The following HMG20A variants were observed in gnomAD, a reference collection of about 807,000 sequenced individuals.
HMG20A encodes the protein high mobility group protein 20A.
HMG20A carries 17 observed loss-of-function variants against 43.9 expected under a neutral mutation model. The observed-to-expected ratio is 0.39, with a 90% CI of 0.27 to 0.58. HMG20A has a LOEUF of 0.58. Among genes scored for constraint, HMG20A ranks in the 20% least tolerant of loss-of-function variants. The probability of loss-of-function intolerance (pLI) is 0.59; values close to 1 mark genes in which losing one functional copy is unlikely to be tolerated. For missense variants in HMG20A, 341 were observed against 438.2 expected (o/e 0.78, Z 1.98); for synonymous variants, 132 against 147.5 (o/e 0.89, Z 0.76).
chr15:77,457,068 GT>G (rs1409922270), intron 1 of HMG20A, among the ~76,000 whole-genome samples: 1 of 152,158 alleles, frequency 6.6e-6, no homozygotes, highest in African/African-American at 2.4e-5. Context: ...ACAGAGATGT[GT>G]TTTTCCCATC....
At chr15:77,429,205 T>C (rs191540222) in intron 1 of HMG20A, among the ~76,000 whole-genome samples, 43 of 151,972 alleles carry the variant, frequency 2.8e-4, no homozygotes, top group Admixed American at 3.9e-4. Context: ...TAATTTAATA[T>C]GGTGGGTTTT....
chr15:77,434,218 C>G (rs1468008180), intron 1 of HMG20A, among the ~76,000 whole-genome samples: 2 of 152,040 alleles, frequency 1.3e-5, no homozygotes, highest in African/African-American at 4.8e-5. Flanking sequence ...ATACAAAAAT[C>G]AGGTCTAGTT....
At chr15:77,516,462 C>A in the HMG20A span, among the ~76,000 whole-genome samples, 1 of 152,120 alleles carries the variant, frequency 6.6e-6, no homozygotes, top group South Asian at 2.1e-4. Flanking sequence ...GGCAACAGAG[C>A]AAGACCCTGT....
At chr15:77,516,675 T>C in the HMG20A span, among the ~76,000 whole-genome samples, 2 of 152,030 alleles carry the variant, frequency 1.3e-5, no homozygotes, top group Non-Finnish European at 2.9e-5. Context: ...AGAAGGGCAC[T>C]GAACTCCACC....
the HMG20A span, among the ~76,000 whole-genome samples, chr15:77,500,563 C>CTTTT: frequency 6.9e-6 from 1 of 144,710 alleles, no homozygotes; most frequent in Non-Finnish European, 1.5e-5. Context: ...CCTCCCTGTT[C>CTTTT]TTTTTTTTTT....
chr15:77,435,079 A>C (rs1230960783), intron 1 of HMG20A, among the ~76,000 whole-genome samples: 1 of 152,156 alleles, frequency 6.6e-6, no homozygotes, highest in Non-Finnish European at 1.5e-5. Flanking sequence ...ACAAATAATT[A>C]CATAGTATAT....
At chr15:77,512,587 TCTTA>T in the HMG20A span, among the ~76,000 whole-genome samples, 1 of 152,032 alleles carries the variant, frequency 6.6e-6, no homozygotes, top group African/African-American at 2.4e-5. Flanking sequence ...GAAGAGAAAC[TCTTA>T]CTTAAAGTAG....
Position 77,464,109 on chromosome 15 carries a change from TA to T in HMG20A, c.90-130del, listed in dbSNP as rs2072732694. 4 of 1,010,702 alleles carry T rather than the reference TA, an allele frequency of 4.0e-6. No homozygotes were observed. In the African/African-American group the frequency reaches 6.5e-5, roughly 17 times the overall value. 62.6% of individuals were successfully genotyped at this position (1,010,702 alleles called of 1,614,324 possible). ...CTGTAACGTCTGTGAATACGTTGTT[TA>T]CATTTATACAGATTATTGGGGGAAT... On this transcript the variant is annotated intron_variant, in intron 2 of 9. Transcript: ENST00000336216.
intron 1 of HMG20A, among the ~76,000 whole-genome samples, chr15:77,422,477 G>A (rs754410992): frequency 7.2e-5 from 11 of 152,134 alleles, no homozygotes; most frequent in East Asian, 1.9e-4. Context: ...TTAGCTGGGC[G>A]TGGTGGCGTG....
rs1211103364 is a variant in HMG20A at position 77,467,124 on chromosome 15, A to G, written c.267A>G (p.Lys89=). 1.2e-6 allele frequency: 2 copies of G among 1,614,000 alleles called. No individual in the cohort carries two copies. Among genetic ancestry groups the G allele is most frequent in the South Asian group, 2.2e-5 (2 of 91,060 alleles). Residue 89 remains lysine (K), a synonymous_variant, in exon 4 of 10, where the codon AAA becomes AAG. Transcript: ENST00000336216. Reference sequence around the variant, plus strand: ...GAAGTAAACGAGGAGGTTGGTCCAAAGGAAGAAAGAGGAAGAAACCTCTTC... The same window carrying G: ...GAAGTAAACGAGGAGGTTGGTCCAAGGGAAGAAAGAGGAAGAAACCTCTTC... The part of the protein sequence containing the change: ...EQRSKRGGWS[K]GRKRKKPLRD...
At position 77,484,360 on chromosome 15, in the gene HMG20A, C is replaced by T. The variant is rs1331768460; in HGVS notation, c.*1397C>T. 6.6e-6 allele frequency: 1 copy of T among 152,608 alleles called. No homozygotes were observed. The highest frequency in any genetic ancestry group is 1.5e-5 in the Non-Finnish European group (1 of 68,132). 9.5% of individuals were successfully genotyped at this position (152,608 alleles called of 1,614,324 possible). ...TTGTTTTTGTTTTGACACTGCAGAG[C>T]ACAAGGCTAAAGGTTACAGCTGAGA... On this transcript the variant is annotated 3_prime_UTR_variant, in exon 10 of 10. Transcript: ENST00000336216.
the HMG20A span, among the ~76,000 whole-genome samples, chr15:77,516,791 C>T: frequency 2.6e-5 from 4 of 152,194 alleles, no homozygotes; most frequent in South Asian, 2.1e-4. Context: ...GGACAGCAAG[C>T]GCGTAGGCTA....
chr15:77,454,085 C>G (rs1453184349), intron 1 of HMG20A, among the ~76,000 whole-genome samples: 3 of 149,750 alleles, frequency 2.0e-5, no homozygotes, highest in Non-Finnish European at 4.4e-5. Context: ...TCACTTGAGA[C>G]AAGCAGTTTG....
chr15:77,428,658 G>A (rs762742066), intron 1 of HMG20A, among the ~76,000 whole-genome samples: 9 of 152,054 alleles, frequency 5.9e-5, no homozygotes, highest in Non-Finnish European at 1.3e-4. Flanking sequence ...TTCAAGGCTC[G>A]AGATTACACA....
chr15:77,425,545 C>T (rs572625477), intron 1 of HMG20A, among the ~76,000 whole-genome samples: 2 of 152,218 alleles, frequency 1.3e-5, no homozygotes, highest in African/African-American at 4.8e-5. Flanking sequence ...TTAAGCACCT[C>T]CTATATAACT....
chr15:77,435,819 C>CTTTTTTTTTTT (rs35390385), intron 1 of HMG20A, among the ~76,000 whole-genome samples: 7 of 147,758 alleles, frequency 4.7e-5, no homozygotes, highest in Non-Finnish European at 9.0e-5. Flanking sequence ...GTAGGTGCAT[C>CTTTTTTTTTTT]TTTTTTTTTT....
intron 1 of HMG20A, among the ~76,000 whole-genome samples, chr15:77,457,194 G>A (rs1363444721): frequency 2.0e-5 from 3 of 152,190 alleles, no homozygotes; most frequent in Admixed American, 6.5e-5. Context: ...CATTGAACAT[G>A]GAGAATGTGG....
At chr15:77,474,879 A>G (rs1305352692) in intron 6 of HMG20A, among the ~76,000 whole-genome samples, 2 of 152,176 alleles carry the variant, frequency 1.3e-5, no homozygotes, top group African/African-American at 4.8e-5. Context: ...TTCAGTTCAA[A>G]AGGGCCTCTT....
At chr15:77,465,065 G>A (rs1245111092) in intron 3 of HMG20A, among the ~76,000 whole-genome samples, 1 of 151,812 alleles carries the variant, frequency 6.6e-6, no homozygotes, top group Non-Finnish European at 1.5e-5. Context: ...TTCAAGACTA[G>A]CCTGGCCAAC....
Sources: gnomAD v4.1 joint callset for allele counts (sites outside exome capture counted in the v4.1 genomes callset) on GRCh38, gnomAD v4.1.1 for gene constraint, MANE v1.5 for transcripts, NCBI Gene and HGNC (gene_info 2026-07-23, HGNC 2026-07-21) for gene names.